Variants in ABCC1 observed in about 807,000 individuals in gnomAD.
ABCC1 encodes multidrug resistance-associated protein 1.
ABCC1 carries 83 observed loss-of-function variants against 172.9 expected under a neutral mutation model. That is an observed-to-expected ratio of 0.48 (90% confidence interval 0.40 to 0.58). The LOEUF is 0.58. Ranked by LOEUF, ABCC1 falls within the 20% of genes least tolerant of loss-of-function variation. The pLI, the probability that ABCC1 is intolerant of heterozygous loss-of-function variation, is 0.00. For missense variants in ABCC1, 1,817 were observed against 2,002.7 expected (o/e 0.91, Z 1.77); for synonymous variants, 937 against 825.2 (o/e 1.14, Z -2.32).
chr16:16,075,787 G>A (rs1482204068), intron 14 of ABCC1, among the ~76,000 whole-genome samples: 1 of 152,242 alleles, frequency 6.6e-6, no homozygotes, highest in African/African-American at 2.4e-5. Context: ...GTGATGTGCT[G>A]TGTGTAGAGT....
At chr16:16,129,333 C>G (rs546711021) in intron 26 of ABCC1, among the ~76,000 whole-genome samples, 1 of 152,038 alleles carries the variant, frequency 6.6e-6, no homozygotes, top group African/African-American at 2.4e-5. Flanking sequence ...GCCTTAGTTG[C>G]ATTGTAAGCG....
intron 1 of ABCC1, among the ~76,000 whole-genome samples, chr16:15,953,774 AC>A (rs2045928388): frequency 1.3e-5 from 2 of 152,056 alleles, no homozygotes; most frequent in African/African-American, 4.8e-5. Context: ...CAACTCAGTA[AC>A]CCCCTGAATA....
intron 1 of ABCC1, among the ~76,000 whole-genome samples, chr16:15,971,923 A>G (rs970836350): frequency 1.3e-5 from 2 of 152,082 alleles, no homozygotes; most frequent in South Asian, 2.1e-4. Flanking sequence ...GGGAGAAGGA[A>G]GAAGGTCCCC....
At chr16:16,052,305 G>A (rs1468476884) in intron 10 of ABCC1, among the ~76,000 whole-genome samples, 1 of 152,096 alleles carries the variant, frequency 6.6e-6, no homozygotes, top group Non-Finnish European at 1.5e-5. Context: ...AGACCAGCCT[G>A]GGCAATGTAG....
chr16:16,040,540 G>A (rs910930933), intron 7 of ABCC1, among the ~76,000 whole-genome samples: 9 of 152,024 alleles, frequency 5.9e-5, no homozygotes, highest in African/African-American at 1.9e-4. Context: ...GCCTGCCTCG[G>A]CCTCCCAAAG....
At position 16,056,133 on chromosome 16, in the gene ABCC1, GA is replaced by G. The variant is rs1371156053; in HGVS notation, c.1517del (p.Asn506ThrfsTer10). 6.2e-7 allele frequency: 1 copy of G among 1,614,124 alleles called. No individual in the cohort carries two copies. Among genetic ancestry groups the G allele is most frequent in the Non-Finnish European group, 8.5e-7 (1 of 1,180,010 alleles). ...KSKDNRIKLM[N>X]EILNGIKVLK... ...GCAAAGACAATCGGATCAAGCTGAT[GA>G]ACGAAATTCTCAATGGGATCAAAGT... On this transcript the variant is annotated frameshift_variant, in exon 12 of 31. Coordinates refer to ENST00000399410, the MANE Select transcript of ABCC1 (RefSeq NM_004996.4). LOFTEE classifies it high-confidence loss of function.
chr16:15,984,420 A>C (rs1235728050), intron 1 of ABCC1, among the ~76,000 whole-genome samples: 1 of 149,564 alleles, frequency 6.7e-6, no homozygotes, highest in African/African-American at 2.5e-5. Flanking sequence ...TGGGCAGAGT[A>C]ACTTTTTATT....
intron 23 of ABCC1, among the ~76,000 whole-genome samples, chr16:16,118,962 G>A (rs2045030669): frequency 6.6e-6 from 1 of 151,118 alleles, no homozygotes; most frequent in Non-Finnish European, 1.5e-5. Context: ...CGCCCAAACT[G>A]GAAACAGCTC....
chr16:15,982,315 A>G (rs967089809), intron 1 of ABCC1, among the ~76,000 whole-genome samples: 1 of 152,082 alleles, frequency 6.6e-6, no homozygotes, highest in African/African-American at 2.4e-5. Flanking sequence ...TAGTTTATAA[A>G]GGGAAGAGAT....
intron 5 of ABCC1, among the ~76,000 whole-genome samples, chr16:16,024,520 T>A (rs1318371233): frequency 1.3e-5 from 2 of 152,118 alleles, no homozygotes; most frequent in Non-Finnish European, 2.9e-5. Flanking sequence ...CCCAAGTAAC[T>A]TTTTCTGTTT....
chr16:15,967,592 A>T (rs1368891398), intron 1 of ABCC1, among the ~76,000 whole-genome samples: 1 of 148,548 alleles, frequency 6.7e-6, no homozygotes, highest in Non-Finnish European at 1.5e-5. Context: ...TAATAATAAT[A>T]ATAATTATTA....
chr16:16,118,883 T>TAAAAAA (rs397855738), intron 23 of ABCC1, among the ~76,000 whole-genome samples: 14 of 118,422 alleles, frequency 1.2e-4, no homozygotes, highest in African/African-American at 2.6e-4. Context: ...AAGTGTATAT[T>TAAAAAA]AAAAAAAAAA....
intron 11 of ABCC1, among the ~76,000 whole-genome samples, chr16:16,055,661 G>A (rs577726206): frequency 6.6e-6 from 1 of 152,230 alleles, no homozygotes; most frequent in East Asian, 1.9e-4. Context: ...TACACCTGAA[G>A]GGTTTTTCTT....
intron 1 of ABCC1, among the ~76,000 whole-genome samples, chr16:15,964,039 G>A (rs978650310): frequency 3.9e-5 from 6 of 151,936 alleles, no homozygotes; most frequent in Admixed American, 2.6e-4. Context: ...TGCCTCCTGG[G>A]TTCAAGCAAT....
intron 19 of ABCC1, chr16:16,094,184 C>A: frequency 3.8e-6 from 1 of 263,058 alleles, no homozygotes; most frequent in Non-Finnish European, 7.6e-6. Context: ...TGGGTTAATC[C>A]GACCGACCCT....
At chr16:16,042,196 G>C (rs920807036) in intron 7 of ABCC1, among the ~76,000 whole-genome samples, 1 of 130,724 alleles carries the variant, frequency 7.6e-6, no homozygotes, top group Non-Finnish European at 1.6e-5. Flanking sequence ...TTTTTTTTAA[G>C]TTAGACACAG....
intron 19 of ABCC1, among the ~76,000 whole-genome samples, chr16:16,093,090 C>G (rs764908302): frequency 4.6e-5 from 7 of 152,022 alleles, no homozygotes; most frequent in Non-Finnish European, 7.4e-5. Context: ...CATGTTCATT[C>G]CCTTGTGGTT....
Position 16,122,020 on chromosome 16 carries a change from G to A in ABCC1, c.3436G>A (p.Val1146Ile), listed in dbSNP as rs28706727. Residue 1146 changes from valine (V) to isoleucine (I), a missense_variant, in exon 24 of 31, where the codon GTC becomes ATC. This residue lies in a region of ABCC1 where 1,412 missense variants were observed against 1,600.3 expected (regional missense o/e 0.88). Coordinates refer to ENST00000399410, the MANE Select transcript of ABCC1 (RefSeq NM_004996.4). ...CCGGCAGCTGAAGCGCCTCGAGTCG[G>A]TCAGCCGCTCCCCGGTCTATTCCCA... is the stretch of plus-strand genomic sequence containing the variant. ...SSRQLKRLES[V>I]SRSPVYSHFN... 1,575 of 1,614,204 alleles carry A rather than the reference G, an allele frequency of 9.8e-4. 19 individuals are homozygous for A. In the African/African-American group the frequency reaches 0.018, roughly 18 times the overall value.
intron 26 of ABCC1, among the ~76,000 whole-genome samples, chr16:16,128,193 T>C (rs1400142056): frequency 6.9e-6 from 1 of 143,944 alleles, no homozygotes; most frequent in African/African-American, 2.6e-5. Flanking sequence ...GTTTTTTTTT[T>C]GTTTGTTTGA....
Sources: allele counts gnomAD v4.1 joint callset (sites outside exome capture counted in the v4.1 genomes callset), GRCh38; gene constraint gnomAD v4.1.1; regional missense constraint gnomAD v4.1.1; transcripts MANE v1.5; gene names NCBI Gene and HGNC (gene_info 2026-07-23, HGNC 2026-07-21).